ABI3BP: variants seen among roughly 807,000 people sequenced by gnomAD.
The protein encoded by ABI3BP is ABI family member 3 binding protein.
Under a neutral mutation model 268.6 loss-of-function variants are expected in ABI3BP, and 216 were observed. The ratio of observed to expected loss-of-function variants is 0.80; its 90% CI spans 0.72 to 0.90. The LOEUF is 0.90. Ranked by LOEUF, ABI3BP falls within the 40% of genes least tolerant of loss-of-function variation. ABI3BP has a pLI of 0.00. For synonymous variants in ABI3BP, 730 were observed against 730.0 expected (o/e 1.00, Z 0.00); for missense variants, 2,090 against 2,182.4 (o/e 0.96, Z 0.84).
intron 2 of ABI3BP, among the ~76,000 whole-genome samples, chr3:100,912,340 G>T (rs2057020326): frequency 8.5e-6 from 1 of 117,440 alleles, no homozygotes; most frequent in Non-Finnish European, 1.8e-5. Context: ...ATGAGTCAAA[G>T]GAAGCTCTTT....
intron 58 of ABI3BP, among the ~76,000 whole-genome samples, chr3:100,779,504 A>C (rs1365535939): frequency 1.3e-5 from 2 of 152,200 alleles, no homozygotes. Context: ...GCTATAGTTA[A>C]ACAATTTATA....
At position 100,864,092 on chromosome 3, in the gene ABI3BP, G is replaced by A. The variant is rs1198334809; in HGVS notation, c.1064-16C>T. 2.0e-6 allele frequency: 3 copies of A among 1,520,864 alleles called. No individual in the cohort carries two copies. Among genetic ancestry groups the A allele is most frequent in the Admixed American group, 3.9e-5 (2 of 50,984 alleles). The allele number at this position is 1,520,864 out of a possible 1,614,324, so 94.2% of individuals were successfully genotyped here. On this transcript the variant is annotated splice_polypyrimidine_tract_variant and intron_variant, in intron 11 of 67. Transcript: ENST00000471714. The stretch of plus-strand genomic sequence containing the variant: ...TTGCTGAGAACTACAATAAAAAAGA[G>A]TGCAGTTAGCAACTCCTGGACTTGG...
chr3:100,956,294 T>C (rs1419970094), intron 1 of ABI3BP, among the ~76,000 whole-genome samples: 1 of 149,900 alleles, frequency 6.7e-6, no homozygotes, highest in Non-Finnish European at 1.5e-5. Flanking sequence ...TAGATACCAC[T>C]GCTGTTTCTT....
intron 29 of ABI3BP, 29 bp from the exon 30 acceptor site, chr3:100,833,186 T>G: frequency 6.6e-7 from 1 of 1,525,478 alleles, no homozygotes; most frequent in Non-Finnish European, 8.8e-7. Context: ...AAAAGCAATT[T>G]TAAAAAGAAA....
intron 4 of ABI3BP, among the ~76,000 whole-genome samples, chr3:100,898,032 T>C (rs1373927068): frequency 6.6e-6 from 1 of 152,218 alleles, no homozygotes; most frequent in East Asian, 1.9e-4. Context: ...TACATATCCA[T>C]CCAATGCATC....
intron 24 of ABI3BP, 81 bp from the exon 25 acceptor site, chr3:100,838,545 ACACTATAT>A: frequency 8.6e-7 from 1 of 1,166,612 alleles, no homozygotes; most frequent in Non-Finnish European, 1.2e-6. Context: ...CAGAACAAAG[ACACTATAT>A]AAATTCAACG....
intron 56 of ABI3BP, among the ~76,000 whole-genome samples, chr3:100,788,484 G>A (rs895554084): frequency 6.6e-6 from 1 of 152,058 alleles, no homozygotes; most frequent in African/African-American, 2.4e-5. Flanking sequence ...GTTCCTCTGT[G>A]TGCCTCAGCT....
chr3:100,988,514 C>T (rs1457028509), intron 1 of ABI3BP, among the ~76,000 whole-genome samples: 2 of 152,170 alleles, frequency 1.3e-5, no homozygotes, highest in Admixed American at 6.5e-5. Context: ...CCTCACCTCT[C>T]AGCAATCCTT....
intron 1 of ABI3BP, among the ~76,000 whole-genome samples, chr3:100,955,624 G>A (rs1285617075): frequency 6.6e-6 from 1 of 152,032 alleles, no homozygotes; most frequent in Non-Finnish European, 1.5e-5. Context: ...ACAACAAGAA[G>A]TAATAGTATT....
chr3:100,853,031 C>T (rs2098877878), intron 14 of ABI3BP, among the ~76,000 whole-genome samples: 1 of 152,162 alleles, frequency 6.6e-6, no homozygotes. Context: ...AAGACGTAGT[C>T]ATTGGGGTTA....
In ABI3BP at chr3:100,993,313, C is replaced by A. The variant is rs758032655; in HGVS notation, c.72G>T (p.Leu24Phe). ...ITLALGNAQK[L>F]PKGKRPNLKV... is the part of the protein sequence containing the mutation. Reference sequence around the variant, plus strand: ...AAACATCAGGCTACTTGCCTTTTGGCAATTTCTGTGCATTTCCCAGGGCTA... The same window carrying A: ...AAACATCAGGCTACTTGCCTTTTGGAAATTTCTGTGCATTTCCCAGGGCTA... The change falls in exon 1 of 68, where the codon TTG becomes TTT. Residue 24 changes from leucine (L) to phenylalanine (F), a missense_variant. Coordinates refer to ENST00000471714, the MANE Select transcript of ABI3BP (RefSeq NM_001375547.2). 5.8e-6 allele frequency: 9 copies of A among 1,550,254 alleles called. No individual in the cohort carries two copies. The highest frequency in any genetic ancestry group is 2.0e-5 in the Admixed American group (1 of 50,988).
intron 1 of ABI3BP, among the ~76,000 whole-genome samples, chr3:100,988,927 T>A (rs1463748486): frequency 2.0e-5 from 3 of 152,212 alleles, no homozygotes; most frequent in Non-Finnish European, 4.4e-5. Context: ...TGAGGCACAA[T>A]TTTATGCTCT....
In ABI3BP at chr3:100,749,635, T is replaced by C; in HGVS notation, c.*860A>G. On this transcript the variant is annotated 3_prime_UTR_variant, in exon 68 of 68. Transcript: ENST00000471714. ...GTATAAATACATAGTAAATATCCTA[T>C]AAAATGGTAGGCAATCTCATCGTGC... The C allele has an allele frequency of 2.5e-6, 1 of 398,522 alleles. No homozygotes were observed. The highest frequency in any genetic ancestry group is 4.4e-6 in the Non-Finnish European group (1 of 225,764). 24.7% of individuals were successfully genotyped at this position (398,522 alleles called of 1,614,324 possible).
rs747978631 is a variant in ABI3BP at position 100,770,867 on chromosome 3, G to A, written c.4617C>T (p.Ala1539=). The A allele has an allele frequency of 1.2e-6, 2 of 1,605,040 alleles. No individual in the cohort carries two copies. The highest frequency in any genetic ancestry group is 1.7e-6 in the Non-Finnish European group (2 of 1,175,664). ...DSVKRFPKEE[A]TEGNATSPPQ... ...GTGGGCTGGTGGCATTCCCCTCTGT[G>A]GCCTCCTCTTTGGGGAACCGTTTGA... The change falls in exon 62 of 68, where the codon GCC becomes GCT. Residue 1539 remains alanine, a synonymous_variant. Coordinates refer to ENST00000471714, the MANE Select transcript of ABI3BP (RefSeq NM_001375547.2).
rs565408932 is a variant in ABI3BP at position 100,811,665 on chromosome 3, T to C, written c.3493+63A>G. 3.4e-6 allele frequency: 5 copies of C among 1,456,606 alleles called. No homozygotes were observed. In the Admixed American group the frequency reaches 9.9e-5, roughly 29 times the overall value. 90.2% of individuals were successfully genotyped at this position (1,456,606 alleles called of 1,614,324 possible). On this transcript the variant is annotated intron_variant, in intron 47 of 67. Coordinates refer to ENST00000471714, the MANE Select transcript of ABI3BP (RefSeq NM_001375547.2). Reference sequence around the variant, plus strand: ...AGCTTGAACTTTCATATTCCGTGGATGTAACTGATGTTAATTTAAAATGTG... The same window carrying C: ...AGCTTGAACTTTCATATTCCGTGGACGTAACTGATGTTAATTTAAAATGTG...
intron 6 of ABI3BP, among the ~76,000 whole-genome samples, chr3:100,884,476 T>C (rs1038172986): frequency 1.6e-4 from 24 of 152,194 alleles, no homozygotes; most frequent in Non-Finnish European, 3.1e-4. Context: ...GATTAATTTT[T>C]AGTCAGTTCT....
Position 100,770,735 on chromosome 3 carries a change from G to C in ABI3BP, c.4741+8C>G. ...CCCACCATAACAGTCCTCATGCCAT[G>C]ATCTTACCAGTGACAGTGTCATTTA... is the stretch of plus-strand genomic sequence containing the variant. On this transcript the variant is annotated splice_region_variant and intron_variant, in intron 62 of 67. Coordinates refer to ENST00000471714, the MANE Select transcript of ABI3BP (RefSeq NM_001375547.2). 6.8e-7 allele frequency: 1 copy of C among 1,476,400 alleles called. No individual in the cohort carries two copies. The highest frequency in any genetic ancestry group is 9.0e-7 in the Non-Finnish European group (1 of 1,110,014). 91.5% of individuals were successfully genotyped at this position (1,476,400 alleles called of 1,614,324 possible). A position where few individuals can be genotyped will look rare whatever the true frequency, so the allele number is the denominator to read the frequency against.
rs1228433122 is a variant in ABI3BP at position 100,803,031 on chromosome 3, C to A, written c.3757+1761G>T. Among the ~76,000 whole-genome samples, 3 of 145,766 alleles carry A rather than the reference C, an allele frequency of 2.1e-5. 1 individual carries two copies. The highest frequency in any genetic ancestry group is 7.3e-5 in the African/African-American group (3 of 40,990). On this transcript the variant is annotated intron_variant, in intron 51 of 67. Coordinates refer to ENST00000471714, the MANE Select transcript of ABI3BP (RefSeq NM_001375547.2). ...GGTAAGAGTTGCCTTATGATTATTC[C>A]TGGGGGTGCCACACCCCTGGGGCAA... is the stretch of plus-strand genomic sequence containing the variant.
At chr3:100,914,702 G>C (rs915793746) in intron 2 of ABI3BP, among the ~76,000 whole-genome samples, 1 of 152,148 alleles carries the variant, frequency 6.6e-6, no homozygotes, top group Admixed American at 6.5e-5. Flanking sequence ...GTGGGGAAAG[G>C]GGTATGGGAG....
Sources: allele counts gnomAD v4.1 joint callset (sites outside exome capture counted in the v4.1 genomes callset), GRCh38; gene constraint gnomAD v4.1.1; transcripts MANE v1.5; gene names NCBI Gene and HGNC (gene_info 2026-07-23, HGNC 2026-07-21).